The following TRMT11 variants were observed in gnomAD, a reference collection of about 807,000 sequenced individuals.
TRMT11 encodes tRNA (guanine(10)-N(2))-methyltransferase TRMT11.
In TRMT11, 53 loss-of-function variants were observed where a neutral mutation model predicts 62.8. The ratio of observed to expected loss-of-function variants is 0.84; its 90% CI spans 0.68 to 1.06. The LOEUF is 1.06. Among genes scored for constraint, TRMT11 ranks in the 50% least tolerant of loss-of-function variants. TRMT11 has a pLI of 0.00. For missense variants in TRMT11, 556 were observed against 553.4 expected, an observed-to-expected ratio of 1.00 and a Z score of -0.05; for synonymous variants, 188 against 190.3, an observed-to-expected ratio of 0.99 and a Z score of 0.10.
the TRMT11 span, among the ~76,000 whole-genome samples, chr6:126,253,153 G>T: frequency 6.6e-6 from 1 of 151,728 alleles, no homozygotes; most frequent in Non-Finnish European, 1.5e-5. Flanking sequence ...TACATTATTT[G>T]GGGCCAGGAG....
chr6:126,237,940 G>A, the TRMT11 span, among the ~76,000 whole-genome samples: 1 of 152,176 alleles, frequency 6.6e-6, no homozygotes, highest in African/African-American at 2.4e-5. Context: ...TTAGTCTTGG[G>A]AGGGTGTATG....
At chr6:126,097,998 A>G (rs956747815) in intron 17 of TRMT11, among the ~76,000 whole-genome samples, 3 of 152,106 alleles carry the variant, frequency 2.0e-5, no homozygotes, top group Non-Finnish European at 4.4e-5. Context: ...TGACCTGAAG[A>G]ATTATTCCAA....
intron 11 of TRMT11, among the ~76,000 whole-genome samples, chr6:126,016,119 A>T (rs1583725633): frequency 6.6e-6 from 1 of 151,658 alleles, no homozygotes; most frequent in South Asian, 2.1e-4. Flanking sequence ...CAGATTAATG[A>T]CTCCATTGTT....
intron 17 of TRMT11, among the ~76,000 whole-genome samples, chr6:126,082,195 C>A (rs944968501): frequency 2.6e-5 from 4 of 152,040 alleles, no homozygotes; most frequent in Non-Finnish European, 5.9e-5. Flanking sequence ...TATGCCGATA[C>A]CACCGAAAGT....
intron 17 of TRMT11, among the ~76,000 whole-genome samples, chr6:126,092,055 G>A (rs2128168470): frequency 6.6e-6 from 1 of 152,244 alleles, no homozygotes. Context: ...TAAAATTTAA[G>A]GAGCTGTTCG....
chr6:126,228,970 G>A, the TRMT11 span, among the ~76,000 whole-genome samples: 1 of 151,990 alleles, frequency 6.6e-6, no homozygotes, highest in Non-Finnish European at 1.5e-5. Flanking sequence ...GGCTATTATA[G>A]TAAAAAAAAG....
intron 9 of TRMT11, among the ~76,000 whole-genome samples, chr6:126,012,339 C>T (rs1794340096): frequency 6.6e-6 from 1 of 151,668 alleles, no homozygotes; most frequent in Admixed American, 6.6e-5. Context: ...TGTGTATTTA[C>T]TAAGAATAAA....
At chr6:126,134,536 A>G (rs1042559525) in intron 21 of TRMT11, among the ~76,000 whole-genome samples, 1 of 151,946 alleles carries the variant, frequency 6.6e-6, no homozygotes, top group East Asian at 1.9e-4. Flanking sequence ...ACAGATTACA[A>G]TACAATAGAA....
At chr6:126,106,149 AT>A (rs370882461) in intron 17 of TRMT11, among the ~76,000 whole-genome samples, 5,790 of 141,966 alleles carry the variant, frequency 0.041, 134 homozygotes, top group South Asian at 0.055. Flanking sequence ...TTCCAGTTGG[AT>A]TTTTTTTTTT....
chr6:126,240,667 T>G, the TRMT11 span, among the ~76,000 whole-genome samples: 4 of 152,188 alleles, frequency 2.6e-5, no homozygotes, highest in Non-Finnish European at 4.4e-5. Flanking sequence ...GGGACCCACT[T>G]GAGGAGGCAG....
chr6:126,205,925 AC>A (rs1255140088), downstream of TRMT11, among the ~76,000 whole-genome samples: 15 of 151,662 alleles, frequency 9.9e-5, no homozygotes, highest in African/African-American at 3.6e-4. Flanking sequence ...ACACACACAC[AC>A]ACACACACAC....
rs147302215 is a variant in TRMT11 at position 126,185,582 on chromosome 6, A to G, written n.143+8247A>G. On this transcript the variant is annotated intron_variant and non_coding_transcript_variant, in intron 1 of 3. Coordinates refer to the TRMT11 transcript ENST00000444229. ...TAATTTTTCTATCTAATGTTCTTCT[A>G]TTCTCTTTCTTACTGCTTTCCAGGG... Among the ~76,000 whole-genome samples, 306 of 152,270 alleles carry G rather than the reference A, an allele frequency of 2.0e-3. 2 individuals carry two copies. Among genetic ancestry groups the G allele is most frequent in the Non-Finnish European group, 2.1e-3 (145 of 68,020 alleles).
chr6:126,200,628 C>A (rs900679186), intron 3 of TRMT11, among the ~76,000 whole-genome samples: 16 of 152,178 alleles, frequency 1.1e-4, no homozygotes, highest in African/African-American at 3.6e-4. Context: ...AATCTCGGCT[C>A]ACTGCAAGCT....
At chr6:126,240,775 G>C in the TRMT11 span, among the ~76,000 whole-genome samples, 1 of 152,234 alleles carries the variant, frequency 6.6e-6, no homozygotes, top group Non-Finnish European at 1.5e-5. Flanking sequence ...GGTTTCTGCT[G>C]CCTTTTGTTT....
intron 21 of TRMT11, among the ~76,000 whole-genome samples, chr6:126,136,204 T>A (rs543322531): frequency 1.0e-4 from 15 of 145,128 alleles, no homozygotes; most frequent in Admixed American, 2.0e-4. Context: ...ATTATTATTA[T>A]TTTTTTTTGC....
In TRMT11 at chr6:126,178,468, C is replaced by G. The variant is rs1778416196; in HGVS notation, n.143+1133C>G. 2.0e-5 allele frequency among the ~76,000 whole-genome samples: 3 copies of G among 152,154 alleles called. No homozygotes were observed. In the South Asian group the frequency reaches 6.2e-4, roughly 32 times the overall value. ...TAATAAATATCTTGCATGCTCAAGCCCATTTCAGAGTCTACCTCCCAGGGA... is the reference window on the plus strand; with the variant it reads ...TAATAAATATCTTGCATGCTCAAGCGCATTTCAGAGTCTACCTCCCAGGGA... On this transcript the variant is annotated intron_variant and non_coding_transcript_variant, in intron 1 of 3. Transcript: ENST00000444229.
chr6:126,256,874 T>G, the TRMT11 span, among the ~76,000 whole-genome samples: 1 of 151,976 alleles, frequency 6.6e-6, no homozygotes, highest in East Asian at 1.9e-4. Context: ...TTTTGTTTGT[T>G]TGTTTGTTTG....
chr6:126,172,179 TC>T (rs1029904005), intron 21 of TRMT11, among the ~76,000 whole-genome samples: 1 of 152,194 alleles, frequency 6.6e-6, no homozygotes, highest in Non-Finnish European at 1.5e-5. Flanking sequence ...CACCTTTTTT[TC>T]CCCTCAGTTT....
rs1190591700 is a variant in TRMT11 at position 125,998,776 on chromosome 6, A to G, written c.522+92A>G. 4.0e-6 allele frequency: 5 copies of G among 1,246,006 alleles called. 1 individual carries two copies. The highest frequency in any genetic ancestry group is 2.2e-5 in the Admixed American group (1 of 44,890). The allele number at this position is 1,246,006 out of a possible 1,614,324, so 77.2% of individuals were successfully genotyped here. A position where few individuals can be genotyped will look rare whatever the true frequency, so the allele number is the denominator to read the frequency against. Reference sequence around the variant, plus strand: ...TGACTCCTATGTAGAACTTTAAAGCAGCTGAAGAGTCAGAACTACTGAATG... The same window carrying G: ...TGACTCCTATGTAGAACTTTAAAGCGGCTGAAGAGTCAGAACTACTGAATG... On this transcript the variant is annotated intron_variant, in intron 6 of 12. Transcript: ENST00000334379.
Sources: allele counts gnomAD v4.1 joint callset (sites outside exome capture counted in the v4.1 genomes callset), GRCh38; gene constraint gnomAD v4.1.1; transcripts MANE v1.5; gene names NCBI Gene and HGNC (gene_info 2026-07-23, HGNC 2026-07-21).